NELL1: variants seen among roughly 807,000 people sequenced by gnomAD.
NELL1 encodes neural EGFL like 1.
A neutral mutation model predicts 107.4 loss-of-function variants in NELL1; 76 were observed. The ratio of observed to expected loss-of-function variants is 0.71; its 90% CI spans 0.59 to 0.86. NELL1 has a LOEUF of 0.86. Ranked by LOEUF, NELL1 falls within the 40% of genes least tolerant of loss-of-function variation. The pLI, the probability that NELL1 is intolerant of heterozygous loss-of-function variation, is 0.00. For missense variants in NELL1, 1,024 were observed against 1,005.5 expected (o/e 1.02, Z -0.25); for synonymous variants, 353 against 341.2 (o/e 1.03, Z -0.38).
In NELL1 at chr11:21,086,432, G is replaced by A. The variant is rs11025908; in HGVS notation, c.1301-27157G>A. Among the ~76,000 whole-genome samples the A allele has an allele frequency of 1.3e-3, 205 of 152,228 alleles. 4 individuals carry two copies. The East Asian group carries it at 0.029, about 22-fold the overall frequency. On this transcript the variant is annotated intron_variant, in intron 12 of 19. Coordinates refer to ENST00000357134, the MANE Select transcript of NELL1 (RefSeq NM_006157.5). ...TTTACTAAATATTATCTTTACGTGT[G>A]GGGTAGGTAGCATTGGTAGAAGTCT...
intron 5 of NELL1, among the ~76,000 whole-genome samples, chr11:20,895,311 A>G (rs1318888246): frequency 7.8e-6 from 1 of 128,682 alleles, no homozygotes; most frequent in African/African-American, 3.5e-5. Flanking sequence ...AAAAAAAAAA[A>G]AAAGAAATTA....
chr11:20,724,649 C>CA (rs1432885943), intron 2 of NELL1, among the ~76,000 whole-genome samples: 2 of 152,200 alleles, frequency 1.3e-5, no homozygotes, highest in Non-Finnish European at 2.9e-5. Context: ...AGCATTTGGT[C>CA]AAAACCATTC....
intron 15 of NELL1, among the ~76,000 whole-genome samples, chr11:21,381,904 A>ATTTGTTTTTTTTTTTTT (rs1851619279): frequency 1.1e-5 from 1 of 91,356 alleles, no homozygotes; most frequent in African/African-American, 4.5e-5. Flanking sequence ...CCTGGAAGGG[A>ATTTGTTTTTTTTTTTTT]TTTTTTTTTT....
At chr11:21,047,225 T>C (rs1361085123) in intron 12 of NELL1, among the ~76,000 whole-genome samples, 1 of 152,188 alleles carries the variant, frequency 6.6e-6, no homozygotes, top group East Asian at 1.9e-4. Flanking sequence ...TGCAAAAAAT[T>C]ACCAATTATA....
intron 2 of NELL1, among the ~76,000 whole-genome samples, chr11:20,721,569 C>T (rs1855389206): frequency 6.6e-6 from 1 of 152,090 alleles, no homozygotes; most frequent in Non-Finnish European, 1.5e-5. Context: ...CAATTCTGCT[C>T]AAATTTCATT....
intron 4 of NELL1, among the ~76,000 whole-genome samples, chr11:20,869,271 T>C (rs971808960): frequency 3.9e-5 from 6 of 152,162 alleles, no homozygotes; most frequent in Admixed American, 6.5e-5. Flanking sequence ...GATATCTATA[T>C]AAAGGGAGGA....
At chr11:21,101,445 A>T (rs1854810020) in intron 12 of NELL1, among the ~76,000 whole-genome samples, 1 of 152,222 alleles carries the variant, frequency 6.6e-6, no homozygotes, top group Non-Finnish European at 1.5e-5. Flanking sequence ...ACTAGTTTAC[A>T]GTCCCAACAA....
At chr11:21,499,850 A>C (rs1333868665) in intron 15 of NELL1, among the ~76,000 whole-genome samples, 2 of 152,090 alleles carry the variant, frequency 1.3e-5, no homozygotes, top group Non-Finnish European at 2.9e-5. Context: ...GGGCTGTCTA[A>C]CACCAGTCTT....
chr11:21,045,648 G>C (rs1222964082), intron 12 of NELL1, among the ~76,000 whole-genome samples: 1 of 152,084 alleles, frequency 6.6e-6, no homozygotes, highest in African/African-American at 2.4e-5. Flanking sequence ...GAACTTTTCT[G>C]TTCTTGACCA....
At chr11:21,326,818 G>A (rs10833506) in intron 14 of NELL1, among the ~76,000 whole-genome samples, 1 of 151,412 alleles carries the variant, frequency 6.6e-6, no homozygotes, top group Non-Finnish European at 1.5e-5. Flanking sequence ...GAAAAAAAAT[G>A]CAGACTGAAT....
intron 14 of NELL1, among the ~76,000 whole-genome samples, chr11:21,341,481 G>C (rs1850563370): frequency 6.6e-6 from 1 of 152,182 alleles, no homozygotes; most frequent in Non-Finnish European, 1.5e-5. Context: ...TGTAAACAAA[G>C]CCTCATGTTG....
At chr11:21,193,469 T>TA (rs1857089392) in intron 13 of NELL1, among the ~76,000 whole-genome samples, 1 of 151,750 alleles carries the variant, frequency 6.6e-6, no homozygotes, top group Admixed American at 6.6e-5. Flanking sequence ...TCTTGAAAAA[T>TA]AAAATCAATA....
At chr11:21,571,248 T>C (rs1001020219) in intron 18 of NELL1, among the ~76,000 whole-genome samples, 5 of 151,912 alleles carry the variant, frequency 3.3e-5, no homozygotes, top group Non-Finnish European at 7.4e-5. Flanking sequence ...CCTTGACTAG[T>C]GCTTGTAGTC....
intron 2 of NELL1, among the ~76,000 whole-genome samples, chr11:20,760,498 C>T (rs901123707): frequency 3.9e-5 from 6 of 152,108 alleles, no homozygotes; most frequent in African/African-American, 1.4e-4. Context: ...ACCATGAGCC[C>T]CTAGACTTTT....
At chr11:21,232,152 A>AAAAAAAT (rs1858072475) in intron 14 of NELL1, among the ~76,000 whole-genome samples, 1 of 61,988 alleles carries the variant, frequency 1.6e-5, no homozygotes, top group Admixed American at 1.7e-4. Flanking sequence ...AAAAATAAAA[A>AAAAAAAT]AAAAAAAATA....
At chr11:21,291,399 ATAATAAGTT>A (rs1849258438) in intron 14 of NELL1, among the ~76,000 whole-genome samples, 2 of 4,300 alleles carry the variant, frequency 4.7e-4, no homozygotes, top group African/African-American at 6.2e-4. Flanking sequence ...GAATAGATCA[ATAATAAGTT>A]CTGAAATTGA....
intron 12 of NELL1, among the ~76,000 whole-genome samples, chr11:21,102,259 A>G (rs949146282): frequency 2.6e-5 from 4 of 152,192 alleles, no homozygotes; most frequent in African/African-American, 9.7e-5. Flanking sequence ...ATTACCAGAG[A>G]TACACTATCT....
At chr11:21,209,238 A>G (rs1213273864) in intron 13 of NELL1, among the ~76,000 whole-genome samples, 6 of 151,698 alleles carry the variant, frequency 4.0e-5, no homozygotes, top group Admixed American at 3.3e-4. Flanking sequence ...CAGATTTTAC[A>G]TTCTAGGAAC....
intron 2 of NELL1, among the ~76,000 whole-genome samples, chr11:20,689,790 G>T (rs1398951365): frequency 5.3e-5 from 8 of 151,470 alleles, no homozygotes; most frequent in Non-Finnish European, 2.9e-5. Context: ...TAGTCCTTTG[G>T]GTATATACTC....
Sources: gnomAD v4.1 joint callset for allele counts (sites outside exome capture counted in the v4.1 genomes callset) on GRCh38, gnomAD v4.1.1 for gene constraint, MANE v1.5 for transcripts, NCBI Gene and HGNC (gene_info 2026-07-23, HGNC 2026-07-21) for gene names.